Variants in PARN observed in about 807,000 individuals in gnomAD.
PARN encodes poly(A)-specific ribonuclease.
Under a neutral mutation model 102.8 loss-of-function variants are expected in PARN, and 71 were observed. The ratio of observed to expected loss-of-function variants is 0.69; its 90% CI spans 0.57 to 0.84. The LOEUF is 0.84. PARN is among the 40% of genes least tolerant of loss of function. PARN has a pLI of 0.00. For synonymous variants in PARN, 261 were observed against 252.9 expected (o/e 1.03, Z -0.30); for missense variants, 782 against 760.9 (o/e 1.03, Z -0.33).
chr16:14,476,322 C>T (rs1022391989), intron 22 of PARN, among the ~76,000 whole-genome samples: 2 of 152,284 alleles, frequency 1.3e-5, no homozygotes, highest in Non-Finnish European at 2.9e-5. Flanking sequence ...TAGTTATATT[C>T]ACAACCCATC....
At chr16:14,510,605 C>A (rs1186495633) in intron 21 of PARN, among the ~76,000 whole-genome samples, 2 of 152,072 alleles carry the variant, frequency 1.3e-5, no homozygotes, top group Non-Finnish European at 1.5e-5. Flanking sequence ...GTTAAAACAA[C>A]AAATAAGGAA....
intron 22 of PARN, among the ~76,000 whole-genome samples, chr16:14,462,644 CAGAG>C (rs879859942): frequency 2.1e-5 from 3 of 145,634 alleles, no homozygotes; most frequent in Non-Finnish European, 4.5e-5. Flanking sequence ...GATTGAGAGA[CAGAG>C]AGAGAAGAAG....
rs1970310709 is a variant in PARN, at chr16:14,593,346, C to T, written c.873G>A (p.Leu291=). 1.2e-6 allele frequency: 2 copies of T among 1,606,762 alleles called. No individual in the cohort carries two copies. The highest frequency in any genetic ancestry group is 1.7e-6 in the Non-Finnish European group (2 of 1,173,644). Residue 291 remains leucine, a synonymous_variant, in exon 13 of 24, where the codon TTG becomes TTA. Coordinates refer to ENST00000437198, the MANE Select transcript of PARN (RefSeq NM_002582.4). ...GKLVIGHNML[L]DVMHTVHQFY... ...ACTGATGAACTGTGTGCATGACGTC[C>T]AAGAGCATATTGTGTCCAATAACAA...
In PARN at chr16:14,609,071, C is replaced by T; in HGVS notation, c.607G>A (p.Glu203Lys). ...AGGACAACTAACCCGGTACATGGCT[C>T]TAAATCCAAGTTCTTGTTTTCTTCA... ...QSEENKNLDL[E>K]PCTGFQRKLI... The change falls in exon 8 of 24, where the codon GAG becomes AAG. Residue 203 changes from glutamate (E) to lysine (K), a missense_variant. Physicochemically the swap from Glu to Lys is moderately conservative, Grantham distance 56. Coordinates refer to ENST00000437198, the MANE Select transcript of PARN (RefSeq NM_002582.4). The T allele has an allele frequency of 6.3e-7, 1 of 1,578,290 alleles. No homozygotes were observed. The highest frequency in any genetic ancestry group is 8.7e-7 in the Non-Finnish European group (1 of 1,152,414).
Position 14,582,238 on chromosome 16 carries a change from C to A in PARN, c.1135G>T (p.Ala379Ser), listed in dbSNP as rs1347536749. The A allele has an allele frequency of 6.2e-7, 1 of 1,613,834 alleles. No homozygotes were observed. Among genetic ancestry groups the A allele is most frequent in the Non-Finnish European group, 8.5e-7 (1 of 1,179,732 alleles). Residue 379 changes from alanine to serine, a missense_variant, in exon 17 of 24, where the codon GCA becomes TCA. Physicochemically the swap from Ala to Ser is moderately conservative, Grantham distance 99 (BLOSUM62 1). Transcript: ENST00000437198. The stretch of plus-strand genomic sequence containing the variant: ...CCTGTGATGTAGGCATCGTAGCCTG[C>A]CTCGTGGAGTTGTTCAGAGGCTGTG... ...YDTASEQLHE[A>S]GYDAYITGLC... is the part of the protein sequence containing the mutation.
At chr16:14,545,141 T>C (rs955279401) in intron 21 of PARN, among the ~76,000 whole-genome samples, 2 of 152,094 alleles carry the variant, frequency 1.3e-5, no homozygotes, top group Admixed American at 1.3e-4. Flanking sequence ...TGAGCCGAGA[T>C]CATACTCTGG....
chr16:14,478,655 C>T (rs187711263), intron 22 of PARN, among the ~76,000 whole-genome samples: 17 of 152,218 alleles, frequency 1.1e-4, no homozygotes, highest in Admixed American at 1.1e-3. Flanking sequence ...AGATGTAAAA[C>T]TTGTTAACAG....
At chr16:14,480,141 T>C (rs1391287392) in intron 22 of PARN, among the ~76,000 whole-genome samples, 1 of 151,462 alleles carries the variant, frequency 6.6e-6, no homozygotes, top group Admixed American at 6.6e-5. Context: ...GAGGCCAGCC[T>C]GGGCAACATG....
chr16:14,501,460 A>AAAAAAAAAAAAAAAC (rs71150191), intron 21 of PARN: 2 of 137,548 alleles, frequency 1.5e-5, no homozygotes, highest in African/African-American at 5.3e-5. Flanking sequence ...AAAAAAAAAA[A>AAAAAAAAAAAAAAAC]CAGAAAGAAA....
chr16:14,477,962 ATTTC>A (rs1193668509), intron 22 of PARN, among the ~76,000 whole-genome samples: 3 of 152,160 alleles, frequency 2.0e-5, no homozygotes, highest in African/African-American at 7.2e-5. Flanking sequence ...GCCAAGTGGG[ATTTC>A]TTTTAGGCAT....
intron 23 of PARN, among the ~76,000 whole-genome samples, chr16:14,438,063 T>TA (rs1250754283): frequency 1.3e-5 from 2 of 152,046 alleles, no homozygotes; most frequent in African/African-American, 4.8e-5. Flanking sequence ...GGACACCCAG[T>TA]AAAGATGGCG....
At chr16:14,553,968 T>C in intron 20 of PARN, 97 bp downstream of exon 20, 1 of 717,898 alleles carries the variant, frequency 1.4e-6, no homozygotes, top group Non-Finnish European at 2.4e-6. Flanking sequence ...ATATTAACAT[T>C]CTTTTATACG....
intron 21 of PARN, among the ~76,000 whole-genome samples, chr16:14,506,167 A>G (rs551326711): frequency 6.6e-6 from 1 of 152,336 alleles, no homozygotes; most frequent in African/African-American, 2.4e-5. Context: ...AATCAGAAAC[A>G]TACACATTGA....
chr16:14,606,069 C>G (rs1971159704), intron 10 of PARN, among the ~76,000 whole-genome samples: 1 of 152,062 alleles, frequency 6.6e-6, no homozygotes, highest in Admixed American at 6.6e-5. Context: ...GGTTACCTAG[C>G]TCATAACAAG....
intron 21 of PARN, among the ~76,000 whole-genome samples, chr16:14,506,638 G>A (rs546763053): frequency 6.6e-6 from 1 of 152,306 alleles, no homozygotes; most frequent in Non-Finnish European, 1.5e-5. Context: ...TGCAGAGAGG[G>A]AGACAGAGCA....
chr16:14,553,657 G>A (rs574581828), intron 20 of PARN, among the ~76,000 whole-genome samples: 11 of 152,220 alleles, frequency 7.2e-5, no homozygotes, highest in Admixed American at 1.3e-4. Flanking sequence ...CCTCATACAC[G>A]TATCACAAAT....
In PARN at chr16:14,436,742, A is replaced by AGT. The variant is rs1567278445; in HGVS notation, c.1893_1894dup (p.Leu632HisfsTer73). The AGT allele has an allele frequency of 6.2e-7, 1 of 1,601,186 alleles. No individual in the cohort carries two copies. The highest frequency in any genetic ancestry group is 1.7e-5 in the Admixed American group (1 of 57,982). ...TTACCATGTGTCAGGAACTTCAAAG[A>AGT]GTGTGGCAGGGCTGTTCTTCGAGAT... On this transcript the variant is annotated frameshift_variant, in exon 24 of 24. Transcript: ENST00000437198. LOFTEE classifies it high-confidence loss of function.
chr16:14,483,807 C>T (rs1248323685), intron 21 of PARN, among the ~76,000 whole-genome samples: 1 of 152,116 alleles, frequency 6.6e-6, no homozygotes, highest in African/African-American at 2.4e-5. Context: ...TCTTGAGCTA[C>T]CTATAACTGG....
At chr16:14,506,399 C>T (rs1418601785) in intron 21 of PARN, among the ~76,000 whole-genome samples, 1 of 152,120 alleles carries the variant, frequency 6.6e-6, no homozygotes, top group Non-Finnish European at 1.5e-5. Context: ...TTGATTACAG[C>T]ATGGACATTA....
Sources: allele counts gnomAD v4.1 joint callset (sites outside exome capture counted in the v4.1 genomes callset), GRCh38; gene constraint gnomAD v4.1.1; transcripts MANE v1.5; gene names NCBI Gene and HGNC (gene_info 2026-07-23, HGNC 2026-07-21).